Variants in PBRM1 observed in about 807,000 individuals in gnomAD.
PBRM1 encodes polybromo 1.
Under a neutral mutation model 194.5 loss-of-function variants are expected in PBRM1, and 27 were observed. That is an observed-to-expected ratio of 0.14 (90% CI 0.10 to 0.19). The LOEUF is 0.19. Among genes scored for constraint, PBRM1 ranks in the 10% least tolerant of loss-of-function variants. The pLI is 1.00. For synonymous variants in PBRM1, 655 were observed against 693.2 expected (o/e 0.94, Z 0.87); for missense variants, 1,466 against 2,077.2 (o/e 0.71, Z 5.72).
At chr3:52,660,802 A>G (rs2096708164) in intron 4 of PBRM1, among the ~76,000 whole-genome samples, 1 of 150,934 alleles carries the variant, frequency 6.6e-6, no homozygotes, top group Admixed American at 6.6e-5. Flanking sequence ...GGTGAGCCAC[A>G]GCACCTGACT....
intron 13 of PBRM1, among the ~76,000 whole-genome samples, chr3:52,619,656 AG>A (rs2095174108): frequency 6.6e-6 from 1 of 152,172 alleles, no homozygotes; most frequent in Non-Finnish European, 1.5e-5. Context: ...GTGGCTGTAT[AG>A]GTCTTCTGGT....
At position 52,675,836 on chromosome 3, in the gene PBRM1, CCGGGCGCGGTGG is replaced by C. The variant is rs2097088288; in HGVS notation, c.236+2652_236+2663del. Among the ~76,000 whole-genome samples the C allele has an allele frequency of 2.5e-5, 3 of 117,836 alleles. 1 individual carries two copies. Among genetic ancestry groups the C allele is most frequent in the Admixed American group, 1.9e-4 (2 of 10,698 alleles). The allele number at this position is 117,836 out of a possible 152,430, so 77.3% of individuals were successfully genotyped here. A position where few individuals can be genotyped will look rare whatever the true frequency, so the allele number is the denominator to read the frequency against. On this transcript the variant is annotated intron_variant, in intron 2 of 29. Transcript: ENST00000296302. ...ACACATATAAAGAATGAAGCGGGGG[CCGGGCGCGGTGG>C]CTCACGCCTGTAATCCCAGCACTTT... is the stretch of plus-strand genomic sequence containing the variant.
intron 21 of PBRM1, among the ~76,000 whole-genome samples, chr3:52,576,921 A>C (rs143218602): frequency 6.6e-6 from 1 of 152,336 alleles, no homozygotes; most frequent in East Asian, 1.9e-4. Flanking sequence ...CAAGTGAAAA[A>C]AATTTTTTAA....
chr3:52,661,812 C>A (rs2153909277), intron 4 of PBRM1, among the ~76,000 whole-genome samples: 1 of 152,322 alleles, frequency 6.6e-6, no homozygotes, highest in South Asian at 2.1e-4. Flanking sequence ...CACTGCCTTT[C>A]CTTACATGAT....
chr3:52,622,046 A>G (rs1056619926), intron 13 of PBRM1, among the ~76,000 whole-genome samples: 9 of 151,868 alleles, frequency 5.9e-5, no homozygotes, highest in Admixed American at 5.9e-4. Context: ...ACTGTCTCAA[A>G]AAAGACAAAA....
chr3:52,643,661 A>T (rs1480774902), intron 8 of PBRM1, among the ~76,000 whole-genome samples: 2 of 152,114 alleles, frequency 1.3e-5, no homozygotes, highest in African/African-American at 4.8e-5. Flanking sequence ...GCAATCCTAG[A>T]ACTAAGACTA....
intron 3 of PBRM1, among the ~76,000 whole-genome samples, chr3:52,666,629 T>C (rs1407625863): frequency 6.6e-6 from 1 of 152,022 alleles, no homozygotes; most frequent in Non-Finnish European, 1.5e-5. Flanking sequence ...TGGTGGTTCA[T>C]GCCTGTAATC....
In PBRM1 at chr3:52,554,761, C is replaced by T. The variant is rs537850469; in HGVS notation, c.4572G>A (p.Pro1524=). The T allele has an allele frequency of 3.1e-5, 48 of 1,573,062 alleles. No individual in the cohort carries two copies. In the South Asian group the frequency reaches 3.4e-4, roughly 11 times the overall value. ...TGCCCGGGAGGCCAGGCACACCTGGCGGAAGATGGTGGGGTGGAGGCCCCC... is the reference window on the plus strand; with the variant it reads ...TGCCCGGGAGGCCAGGCACACCTGGTGGAAGATGGTGGGGTGGAGGCCCCC... The change falls in exon 27 of 30, where the codon CCG becomes CCA. Residue 1524 remains proline, a synonymous_variant. Transcript: ENST00000296302.
At chr3:52,559,105 G>A (rs937426880) in intron 25 of PBRM1, among the ~76,000 whole-genome samples, 10 of 152,174 alleles carry the variant, frequency 6.6e-5, no homozygotes, top group African/African-American at 1.9e-4. Flanking sequence ...AAATAAACAC[G>A]TATGTAGCAA....
intron 20 of PBRM1, among the ~76,000 whole-genome samples, chr3:52,582,399 C>G (rs1210158865): frequency 1.3e-5 from 2 of 149,994 alleles, no homozygotes; most frequent in African/African-American, 4.9e-5. Context: ...ATGCTGACTT[C>G]CATTGATAAT....
rs2087470429 is a variant in PBRM1 at position 52,571,883 on chromosome 3, A to G, written c.3691+4658T>C. 2.1e-5 allele frequency among the ~76,000 whole-genome samples: 3 copies of G among 144,344 alleles called. No homozygotes were observed. The South Asian group carries it at 6.5e-4, about 31-fold the overall frequency. 94.7% of individuals were successfully genotyped at this position (144,344 alleles called of 152,430 possible). The stretch of plus-strand genomic sequence containing the variant: ...AAAAAAAAAAAAAAAAAAAAAAAAA[A>G]AAAAATTAGCTGGGAGTGGTGGTAC... On this transcript the variant is annotated intron_variant, in intron 22 of 29. Transcript: ENST00000296302.
intron 5 of PBRM1, 32 bp downstream of exon 6, chr3:52,658,167 G>T: frequency 1.0e-6 from 1 of 972,396 alleles, no homozygotes; most frequent in South Asian, 1.3e-5. Context: ...ACAAAACACT[G>T]ACATGTACCT....
At chr3:52,605,496 T>C (rs2094289961) in intron 16 of PBRM1, among the ~76,000 whole-genome samples, 1 of 151,924 alleles carries the variant, frequency 6.6e-6, no homozygotes, top group Non-Finnish European at 1.5e-5. Context: ...CACTAGAGCA[T>C]CAAACTTCAG....
intron 14 of PBRM1, among the ~76,000 whole-genome samples, chr3:52,616,841 A>G (rs2153480844): frequency 6.6e-6 from 1 of 152,302 alleles, no homozygotes; most frequent in South Asian, 2.1e-4. Context: ...GATCGTAGTA[A>G]TGATGATGAT....
rs117999042 is a variant in PBRM1, at chr3:52,676,787, G to A, written c.236+1713C>T. Reference sequence around the variant, plus strand: ...CTTGAATGGCTTTGACCAAAAGCCTGATAACAATACGGACAATAAGGTCCA... The same window carrying A: ...CTTGAATGGCTTTGACCAAAAGCCTAATAACAATACGGACAATAAGGTCCA... On this transcript the variant is annotated intron_variant, in intron 2 of 29. Transcript: ENST00000296302. 5.4e-4 allele frequency among the ~76,000 whole-genome samples: 82 copies of A among 152,330 alleles called. 2 individuals are homozygous for A. The East Asian group carries it at 0.014, about 27-fold the overall frequency.
chr3:52,622,105 C>G (rs755121586), intron 13 of PBRM1, among the ~76,000 whole-genome samples: 1 of 151,002 alleles, frequency 6.6e-6, no homozygotes, highest in Admixed American at 6.6e-5. Context: ...TGTGAGAGGC[C>G]GAGGCAGGCA....
At chr3:52,677,804 G>T (rs2097138844) in intron 2 of PBRM1, among the ~76,000 whole-genome samples, 1 of 151,136 alleles carries the variant, frequency 6.6e-6, no homozygotes, top group Admixed American at 6.6e-5. Flanking sequence ...CAGGTGATTT[G>T]CCCACCTATA....
intron 20 of PBRM1, among the ~76,000 whole-genome samples, chr3:52,582,062 G>C (rs2153711284): frequency 6.6e-6 from 1 of 150,934 alleles, no homozygotes; most frequent in South Asian, 2.2e-4. Context: ...GACCAATATG[G>C]TAGAAATCCG....
intron 22 of PBRM1, among the ~76,000 whole-genome samples, chr3:52,567,298 G>A (rs776339392): frequency 1.7e-4 from 26 of 151,928 alleles, no homozygotes; most frequent in Admixed American, 6.6e-5. Context: ...TTCTGCTGAC[G>A]CTAAATAATG....
Sources: gnomAD v4.1 joint callset for allele counts (sites outside exome capture counted in the v4.1 genomes callset) on GRCh38, gnomAD v4.1.1 for gene constraint, MANE v1.5 for transcripts, NCBI Gene and HGNC (gene_info 2026-07-23, HGNC 2026-07-21) for gene names.